SND1: variants seen among roughly 807,000 people sequenced by gnomAD.
SND1 encodes staphylococcal nuclease and tudor domain containing 1.
Under a neutral mutation model 121.7 loss-of-function variants are expected in SND1, and 38 were observed. The ratio of observed to expected loss-of-function variants is 0.31; its 90% confidence interval spans 0.24 to 0.41. The LOEUF (loss-of-function observed/expected upper bound fraction) is 0.41. Ranked by LOEUF, SND1 falls within the 10% of genes least tolerant of loss-of-function variation. The pLI, the probability that SND1 is intolerant of heterozygous loss-of-function variation, is 1.00. For synonymous variants in SND1, 401 were observed against 447.4 expected (o/e 0.90, Z 1.31); for missense variants, 868 against 1,184.6 (o/e 0.73, Z 3.92).
chr7:127,899,408 T>G (rs1162161098), intron 13 of SND1, among the ~76,000 whole-genome samples: 1 of 152,180 alleles, frequency 6.6e-6, no homozygotes, highest in Non-Finnish European at 1.5e-5. Context: ...TAGGTGATAC[T>G]CTTTTCATTG....
intron 15 of SND1, among the ~76,000 whole-genome samples, chr7:127,931,775 G>A (rs1406399266): frequency 6.6e-6 from 1 of 152,170 alleles, no homozygotes; most frequent in African/African-American, 2.4e-5. Flanking sequence ...TCTTAAGAAT[G>A]ATGCTAAATC....
intron 15 of SND1, among the ~76,000 whole-genome samples, chr7:127,970,603 A>G (rs1280409952): frequency 2.0e-5 from 3 of 152,192 alleles, no homozygotes; most frequent in African/African-American, 7.2e-5. Flanking sequence ...AGTCAAACAC[A>G]TATTTTCTAG....
intron 14 of SND1, among the ~76,000 whole-genome samples, chr7:127,921,567 T>G (rs989913528): frequency 3.9e-5 from 6 of 152,218 alleles, no homozygotes; most frequent in Non-Finnish European, 4.4e-5. Context: ...TGTGTTGTTG[T>G]ATATTCTTAA....
At chr7:128,067,115 G>T (rs1793329793) in intron 16 of SND1, among the ~76,000 whole-genome samples, 1 of 152,060 alleles carries the variant, frequency 6.6e-6, no homozygotes, top group Non-Finnish European at 1.5e-5. Flanking sequence ...CAGCTTTGCT[G>T]CCCCCATTCT....
At chr7:127,942,233 G>A (rs1311260776) in intron 15 of SND1, among the ~76,000 whole-genome samples, 1 of 152,130 alleles carries the variant, frequency 6.6e-6, no homozygotes, top group East Asian at 1.9e-4. Context: ...AGGAAATAGT[G>A]TATGCCTTCA....
At chr7:127,880,867 G>A (rs1002932577) in intron 12 of SND1, among the ~76,000 whole-genome samples, 19 of 152,046 alleles carry the variant, frequency 1.2e-4, no homozygotes, top group Non-Finnish European at 1.5e-5. Context: ...GCTACCCACC[G>A]TCTCCCACAG....
chr7:127,940,910 C>T (rs928295494), intron 15 of SND1, among the ~76,000 whole-genome samples: 1 of 152,220 alleles, frequency 6.6e-6, no homozygotes. Flanking sequence ...TAGTTTCAGT[C>T]CTGGCACTGG....
intron 12 of SND1, among the ~76,000 whole-genome samples, chr7:127,857,588 C>T (rs573202531): frequency 5.3e-5 from 8 of 151,468 alleles, no homozygotes; most frequent in East Asian, 1.9e-4. Flanking sequence ...AGGGAGGCCA[C>T]GGGACCCCTG....
At chr7:127,788,265 C>CA (rs1240552523) in intron 10 of SND1, among the ~76,000 whole-genome samples, 1 of 152,130 alleles carries the variant, frequency 6.6e-6, no homozygotes, top group African/African-American at 2.4e-5. Flanking sequence ...TAACATGTGT[C>CA]AGACTCAGTA....
intron 12 of SND1, among the ~76,000 whole-genome samples, chr7:127,871,130 G>C (rs1057131005): frequency 6.6e-6 from 1 of 152,060 alleles, no homozygotes; most frequent in African/African-American, 2.4e-5. Context: ...AGGTTTTCAG[G>C]GGGCAATAAT....
chr7:127,662,286 T>A (rs1002759552), intron 1 of SND1, among the ~76,000 whole-genome samples: 4 of 152,248 alleles, frequency 2.6e-5, no homozygotes, highest in African/African-American at 9.6e-5. Context: ...TCTCTATGTG[T>A]CTGGCAATTT....
chr7:127,819,407 A>G (rs1023403170), intron 11 of SND1, among the ~76,000 whole-genome samples: 2 of 152,216 alleles, frequency 1.3e-5, no homozygotes, highest in Non-Finnish European at 2.9e-5. Flanking sequence ...TCTACCCTCT[A>G]AAAAGATGAT....
chr7:127,835,817 A>G (rs1798856939), intron 11 of SND1, among the ~76,000 whole-genome samples: 1 of 152,122 alleles, frequency 6.6e-6, no homozygotes, highest in African/African-American at 2.4e-5. Flanking sequence ...ATTTATTTAA[A>G]ATATTGTCAT....
At chr7:127,849,506 C>T (rs1799126954) in intron 12 of SND1, among the ~76,000 whole-genome samples, 1 of 152,214 alleles carries the variant, frequency 6.6e-6, no homozygotes, top group African/African-American at 2.4e-5. Flanking sequence ...TACACACACT[C>T]ATTCTCACCA....
At chr7:127,896,984 ATAAT>A (rs2116749868) in intron 13 of SND1, among the ~76,000 whole-genome samples, 1 of 152,240 alleles carries the variant, frequency 6.6e-6, no homozygotes, top group South Asian at 2.1e-4. Context: ...TATAGTTCAA[ATAAT>A]TAATCACTGA....
intron 10 of SND1, among the ~76,000 whole-genome samples, chr7:127,740,606 G>A (rs1407770555): frequency 3.3e-5 from 5 of 152,176 alleles, no homozygotes; most frequent in Non-Finnish European, 7.4e-5. Context: ...ACCCCAGTCT[G>A]CACATCAGAA....
intron 1 of SND1, among the ~76,000 whole-genome samples, chr7:127,656,853 A>G (rs1397390966): frequency 6.6e-6 from 1 of 152,218 alleles, no homozygotes; most frequent in Non-Finnish European, 1.5e-5. Flanking sequence ...GGGATAAGGT[A>G]GCTGAATAAC....
chr7:127,989,084 G>A (rs1802462030), intron 15 of SND1, among the ~76,000 whole-genome samples: 1 of 152,168 alleles, frequency 6.6e-6, no homozygotes, highest in South Asian at 2.1e-4. Context: ...CTCCCTGTAG[G>A]GTTAATCTCA....
At chr7:127,811,171 C>A (rs779547086) in intron 11 of SND1, among the ~76,000 whole-genome samples, 5 of 152,176 alleles carry the variant, frequency 3.3e-5, no homozygotes. Flanking sequence ...GTTATCTGAA[C>A]TAACCCAGCT....
Sources: gnomAD v4.1 joint callset for allele counts (sites outside exome capture counted in the v4.1 genomes callset) on GRCh38, gnomAD v4.1.1 for gene constraint, MANE v1.5 for transcripts, NCBI Gene and HGNC (gene_info 2026-07-23, HGNC 2026-07-21) for gene names.